The following SLC15A5 variants were observed in gnomAD, a reference collection of about 807,000 sequenced individuals.
SLC15A5 encodes solute carrier family 15 member 5, also known as Peptide/histidine transporter ENSP00000340402.
In SLC15A5, 58 loss-of-function variants were observed where a neutral mutation model predicts 56.1. The ratio of observed to expected loss-of-function variants is 1.03; its 90% CI spans 0.84 to 1.29. The LOEUF is 1.29. Ranked by LOEUF, SLC15A5 falls within the 50% of genes most tolerant of loss-of-function variation. The pLI is 0.00. For missense variants in SLC15A5, 681 were observed against 672.1 expected (o/e 1.01, Z -0.15); for synonymous variants, 264 against 250.5 (o/e 1.05, Z -0.51).
intron 5 of SLC15A5, among the ~76,000 whole-genome samples, chr12:16,232,276 C>A (rs1220754149): frequency 2.6e-5 from 4 of 151,804 alleles, no homozygotes; most frequent in Non-Finnish European, 5.9e-5. Flanking sequence ...ATTTCCAAAA[C>A]AAATAGAGAA....
rs1864062570 is a variant in SLC15A5, at chr12:16,209,946, G to A, written c.1483+6947C>T. On this transcript the variant is annotated intron_variant, in intron 7 of 8. Coordinates refer to ENST00000344941, the MANE Select transcript of SLC15A5 (RefSeq NM_001170798.1). ...CCAGTAGATCATTGGTGTTTTGTATGTTACCATTCTTATAGCATTCAAGTA... is the reference window on the plus strand; with the variant it reads ...CCAGTAGATCATTGGTGTTTTGTATATTACCATTCTTATAGCATTCAAGTA... Among the ~76,000 whole-genome samples the A allele has an allele frequency of 1.3e-5, 2 of 152,050 alleles. 1 individual carries two copies. Among genetic ancestry groups the A allele is most frequent in the South Asian group, 4.1e-4 (2 of 4,828 alleles).
intron 8 of SLC15A5, among the ~76,000 whole-genome samples, chr12:16,193,773 G>C: frequency 8.0e-6 from 1 of 124,616 alleles, no homozygotes; most frequent in Non-Finnish European, 1.6e-5. Flanking sequence ...CCAAGAATAT[G>C]TCAAGGGGAG....
intron 2 of SLC15A5, among the ~76,000 whole-genome samples, chr12:16,270,261 A>C (rs1363763838): frequency 2.0e-5 from 3 of 152,164 alleles, no homozygotes; most frequent in African/African-American, 7.2e-5. Flanking sequence ...AGAAGCAATG[A>C]CACATCTCAT....
chr12:16,228,124 G>A (rs960390631), intron 5 of SLC15A5, among the ~76,000 whole-genome samples: 1 of 152,152 alleles, frequency 6.6e-6, no homozygotes, highest in Non-Finnish European at 1.5e-5. Context: ...GAGTTGAGTT[G>A]GAGGTACAAA....
At chr12:16,264,600 C>T (rs7137155) in intron 2 of SLC15A5, among the ~76,000 whole-genome samples, 8,018 of 152,214 alleles carry the variant, frequency 0.053, 328 homozygotes, top group African/African-American at 0.11. Context: ...TTGTTTGGCT[C>T]TGTGTCCCCA....
At chr12:16,275,394 C>T (rs1301770683) in intron 1 of SLC15A5, among the ~76,000 whole-genome samples, 2 of 151,902 alleles carry the variant, frequency 1.3e-5, no homozygotes, top group Non-Finnish European at 2.9e-5. Context: ...TTGTTGTATG[C>T]TAAATTAATA....
chr12:16,211,815 G>C (rs1864083811), intron 7 of SLC15A5, among the ~76,000 whole-genome samples: 1 of 152,182 alleles, frequency 6.6e-6, no homozygotes, highest in Non-Finnish European at 1.5e-5. Context: ...AGAAGGATCA[G>C]TTTTCTCACT....
chr12:16,217,875 T>C (rs917539764), intron 6 of SLC15A5, among the ~76,000 whole-genome samples: 1 of 152,012 alleles, frequency 6.6e-6, no homozygotes, highest in African/African-American at 2.4e-5. Context: ...CCGGTAATGA[T>C]AGTAACAAGA....
Position 16,268,144 on chromosome 12 carries a change from A to C in SLC15A5, c.584+4417T>G, listed in dbSNP as rs1203811662. The stretch of plus-strand genomic sequence containing the variant: ...TGTAATCCTGGCACTTTGGAGGCCA[A>C]CGTGGGCAGATTGCCTGAGCTCAGG... On this transcript the variant is annotated intron_variant, in intron 2 of 8. Coordinates refer to ENST00000344941, the MANE Select transcript of SLC15A5 (RefSeq NM_001170798.1). Among the ~76,000 whole-genome samples the C allele has an allele frequency of 1.7e-5, 2 of 115,536 alleles. 1 individual carries two copies. The highest frequency in any genetic ancestry group is 3.7e-5 in the Non-Finnish European group (2 of 54,484). The allele number at this position is 115,536 out of a possible 152,430, so 75.8% of individuals were successfully genotyped here.
At chr12:16,208,329 C>T (rs1276077730) in intron 7 of SLC15A5, among the ~76,000 whole-genome samples, 1 of 152,150 alleles carries the variant, frequency 6.6e-6, no homozygotes, top group East Asian at 1.9e-4. Context: ...TTTTTAACTT[C>T]TCCATTTACA....
At chr12:16,229,389 C>G (rs1864272818) in intron 5 of SLC15A5, among the ~76,000 whole-genome samples, 1 of 152,132 alleles carries the variant, frequency 6.6e-6, no homozygotes, top group South Asian at 2.1e-4. Context: ...GCTCTTCACT[C>G]TGTCTGAAAC....
At position 16,237,787 on chromosome 12, in the gene SLC15A5, C is replaced by G. The variant is rs983435038; in HGVS notation, c.1162+1894G>C. 6.6e-6 allele frequency among the ~76,000 whole-genome samples: 1 copy of G among 152,080 alleles called. No individual in the cohort carries two copies. The highest frequency in any genetic ancestry group is 2.4e-5 in the African/African-American group (1 of 41,422). ...GCTCAGATTGGGGTGTTTCATGACA[C>G]TGTACAAAACTGCTGAGATTTTTGG... On this transcript the variant is annotated intron_variant, in intron 5 of 8. Transcript: ENST00000344941. The surrounding 1 kb of genome is among the most constrained non-coding windows in gnomAD (Gnocchi z 4.1).
intron 7 of SLC15A5, among the ~76,000 whole-genome samples, chr12:16,208,096 A>C (rs1194927927): frequency 1.8e-5 from 2 of 112,086 alleles, no homozygotes. Flanking sequence ...TCATTAAAAA[A>C]CATGGGGGGT....
chr12:16,225,267 G>A (rs1158817383), intron 5 of SLC15A5, among the ~76,000 whole-genome samples: 3 of 152,144 alleles, frequency 2.0e-5, no homozygotes, highest in Non-Finnish European at 4.4e-5. Flanking sequence ...TGGGTCAAAT[G>A]GTATTTCTAG....
chr12:16,237,508 TAAC>T lies in SLC15A5; in HGVS notation c.1162+2170_1162+2172del, dbSNP rs1835242653. On this transcript the variant is annotated intron_variant, in intron 5 of 8. Coordinates refer to ENST00000344941, the MANE Select transcript of SLC15A5 (RefSeq NM_001170798.1). This position sits in a 1 kb window ranked among gnomAD's most constrained non-coding sequence, Gnocchi z 4.1. ...TCTTGAAGGGGAATATTTAATTCAT[TAAC>T]AACATCAAACAATATACTAAATAAC... is the stretch of plus-strand genomic sequence containing the variant. Among the ~76,000 whole-genome samples the T allele has an allele frequency of 6.6e-6, 1 of 152,178 alleles. No homozygotes were observed. The highest frequency in any genetic ancestry group is 1.9e-4 in the East Asian group (1 of 5,200).
At chr12:16,207,509 T>A (rs918180166) in intron 7 of SLC15A5, among the ~76,000 whole-genome samples, 2 of 152,174 alleles carry the variant, frequency 1.3e-5, no homozygotes, top group Non-Finnish European at 2.9e-5. Flanking sequence ...TTAGGCTATT[T>A]AAAAATCTAT....
intron 2 of SLC15A5, among the ~76,000 whole-genome samples, chr12:16,260,198 CT>C (rs1864630072): frequency 6.6e-6 from 1 of 152,056 alleles, no homozygotes; most frequent in African/African-American, 2.4e-5. Flanking sequence ...GGGAGCAGGA[CT>C]TTTTTTGGAG....
At chr12:16,208,059 G>C (rs1864038537) in intron 7 of SLC15A5, among the ~76,000 whole-genome samples, 1 of 151,850 alleles carries the variant, frequency 6.6e-6, no homozygotes, top group Admixed American at 6.6e-5. Context: ...TATTCCCTTT[G>C]CTCTCACAGA....
intron 2 of SLC15A5, among the ~76,000 whole-genome samples, chr12:16,258,996 T>C (rs527701949): frequency 6.9e-6 from 1 of 144,022 alleles, no homozygotes; most frequent in East Asian, 2.0e-4. Flanking sequence ...TTTTCTTTTT[T>C]TTTTTTTCTT....
Sources: allele counts gnomAD v4.1 joint callset (sites outside exome capture counted in the v4.1 genomes callset), GRCh38; gene constraint gnomAD v4.1.1; non-coding constraint Gnocchi (gnomAD v3.1); transcripts MANE v1.5; gene names NCBI Gene and HGNC (gene_info 2026-07-23, HGNC 2026-07-21).